PTPRU: variants seen among roughly 807,000 people sequenced by gnomAD.
PTPRU encodes receptor-type tyrosine-protein phosphatase U.
Under a neutral mutation model 166.3 loss-of-function variants are expected in PTPRU, and 69 were observed. The observed-to-expected ratio is 0.41, with a 90% CI of 0.34 to 0.51. The LOEUF (loss-of-function observed/expected upper bound fraction) is 0.51. Among genes scored for constraint, PTPRU ranks in the 20% least tolerant of loss-of-function variants. The pLI is 0.09. For synonymous variants in PTPRU, 793 were observed against 814.0 expected (o/e 0.97, Z 0.44); for missense variants, 1,657 against 2,013.7 (o/e 0.82, Z 3.39).
At position 29,257,963 on chromosome 1, in the gene PTPRU, A is replaced by G. The variant is rs991161846; in HGVS notation, c.206-542A>G. ...TGTGACCTGTAGATTGTAAGGAGCC[A>G]TAATTTTTTTTTTCTTTTTGAGACC... On this transcript the variant is annotated intron_variant, in intron 2 of 29. Transcript: ENST00000373779. The surrounding 1 kb of genome is among the most constrained non-coding windows in gnomAD (Gnocchi z 4.6). 1.4e-5 allele frequency among the ~76,000 whole-genome samples: 1 copy of G among 71,600 alleles called. No individual in the cohort carries two copies. The highest frequency in any genetic ancestry group is 3.1e-5 in the Non-Finnish European group (1 of 31,920). The allele number at this position is 71,600 out of a possible 152,430, so 47.0% of individuals were successfully genotyped here. A position where few individuals can be genotyped will look rare whatever the true frequency, so the allele number is the denominator to read the frequency against.
Position 29,291,343 on chromosome 1 carries a change from A to G in PTPRU, c.2319-526A>G, listed in dbSNP as rs906689530. Reference sequence around the variant, plus strand: ...GGAAGCCCCCGAGCTCTGGCTGAGCACAAGCTAGACTCTCTGCGGGGAAGG... The same window carrying G: ...GGAAGCCCCCGAGCTCTGGCTGAGCGCAAGCTAGACTCTCTGCGGGGAAGG... On this transcript the variant is annotated intron_variant, in intron 14 of 29. Coordinates refer to ENST00000373779, the MANE Select transcript of PTPRU (RefSeq NM_133178.4). This position sits in a 1 kb window ranked among gnomAD's most constrained non-coding sequence, Gnocchi z 4.1. 1.1e-4 allele frequency among the ~76,000 whole-genome samples: 16 copies of G among 151,984 alleles called. No homozygotes were observed. The highest frequency in any genetic ancestry group is 4.8e-5 in the African/African-American group (2 of 41,280).
Position 29,253,996 on chromosome 1 carries a change from A to C in PTPRU, c.74-1279A>C, listed in dbSNP as rs2151943002. ...CACAAGGTTTGGCAAATTGCAGTCA[A>C]GATTTGATCCCAAGTCTGTGATGCC... On this transcript the variant is annotated intron_variant, in intron 1 of 29. Coordinates refer to ENST00000373779, the MANE Select transcript of PTPRU (RefSeq NM_133178.4). 1.3e-5 allele frequency among the ~76,000 whole-genome samples: 2 copies of C among 152,312 alleles called. 1 individual carries two copies. The highest frequency in any genetic ancestry group is 4.1e-4 in the South Asian group (2 of 4,826).
intron 25 of PTPRU, among the ~76,000 whole-genome samples, chr1:29,318,697 C>T (rs1431074026): frequency 6.6e-6 from 1 of 152,224 alleles, no homozygotes; most frequent in African/African-American, 2.4e-5. Context: ...AGCCGTGCAA[C>T]CGCAGGCCAC....
In PTPRU at chr1:29,320,956, C is replaced by A; in HGVS notation, c.3828+131C>A. 1 of 1,031,228 alleles carries A rather than the reference C, an allele frequency of 9.7e-7. No individual in the cohort carries two copies. Among genetic ancestry groups the A allele is most frequent in the Non-Finnish European group, 1.3e-6 (1 of 758,182 alleles). The allele number at this position is 1,031,228 out of a possible 1,614,324, so 63.9% of individuals were successfully genotyped here. On this transcript the variant is annotated intron_variant, in intron 26 of 29. Transcript: ENST00000373779. This position sits in a 1 kb window ranked among gnomAD's most constrained non-coding sequence, Gnocchi z 5.2. ...TATTTATTGTGTGATGAATCATACA[C>A]CTTCCCAGAGCCTCAGTTTCTTCAT...
At chr1:29,309,162 A>G (rs2151965732) in intron 18 of PTPRU, among the ~76,000 whole-genome samples, 1 of 152,306 alleles carries the variant, frequency 6.6e-6, no homozygotes, top group Non-Finnish European at 1.5e-5. Flanking sequence ...TATTATCCTC[A>G]TATTGCAGAG....
At position 29,325,090 on chromosome 1, in the gene PTPRU, C is replaced by T; in HGVS notation, c.4113-101C>T. On this transcript the variant is annotated intron_variant, in intron 28 of 29. Coordinates refer to ENST00000373779, the MANE Select transcript of PTPRU (RefSeq NM_133178.4). ...CCTTCTAGATTCCCTAGCTCCGTCC[C>T]TCTCCTCTAGGCTCTCTGCCCCTCC... The T allele has an allele frequency of 2.0e-6, 3 of 1,484,288 alleles. No homozygotes were observed. In the South Asian group the frequency reaches 3.8e-5, roughly 19 times the overall value. The allele number at this position is 1,484,288 out of a possible 1,614,324, so 91.9% of individuals were successfully genotyped here. A position where few individuals can be genotyped will look rare whatever the true frequency, so the allele number is the denominator to read the frequency against.
Position 29,294,118 on chromosome 1 carries a change from G to A in PTPRU, c.2476+2092G>A, listed in dbSNP as rs533211486. On this transcript the variant is annotated intron_variant, in intron 15 of 29. Coordinates refer to ENST00000373779, the MANE Select transcript of PTPRU (RefSeq NM_133178.4). ...CTAGAAATAGAATTGCTGGATTATG[G>A]AGTACGTGCATCTTCAGCTTAATAA... Among the ~76,000 whole-genome samples the A allele has an allele frequency of 7.4e-4, 113 of 152,316 alleles. 1 individual carries two copies. The highest frequency in any genetic ancestry group is 2.6e-3 in the African/African-American group (109 of 41,562).
intron 12 of PTPRU, 98 bp downstream of exon 12, chr1:29,283,047 G>C: frequency 2.0e-6 from 3 of 1,503,712 alleles, no homozygotes; most frequent in South Asian, 1.3e-5. Context: ...CTCCAGGCCC[G>C]GCACTTCCCA....
In PTPRU at chr1:29,260,627, G is replaced by C; in HGVS notation, c.868G>C (p.Ala290Pro). 1 of 1,487,008 alleles carries C rather than the reference G, an allele frequency of 6.7e-7. No homozygotes were observed. The highest frequency in any genetic ancestry group is 1.4e-5 in the South Asian group (1 of 72,842). 92.1% of individuals were successfully genotyped at this position (1,487,008 alleles called of 1,614,324 possible). A position where few individuals can be genotyped will look rare whatever the true frequency, so the allele number is the denominator to read the frequency against. The change falls in exon 7 of 30, where the codon GCG becomes CCG. Residue 290 changes from alanine (A) to proline (P), a missense_variant. By Grantham distance (27) the Ala-to-Pro change is conservative. This residue lies in a region of PTPRU where 453 missense variants were observed against 496.9 expected (regional missense o/e 0.91). Coordinates refer to ENST00000373779, the MANE Select transcript of PTPRU (RefSeq NM_133178.4). The surrounding 1 kb of genome is among the most constrained non-coding windows in gnomAD (Gnocchi z 8.3). ...LIVKEPPTPI[A>P]PPQLLRAGPT... Reference sequence around the variant, plus strand: ...CCTCGCAGAGCCCCCAACTCCCATCGCGCCCCCACAGCTGCTGCGTGCTGG... The same window carrying C: ...CCTCGCAGAGCCCCCAACTCCCATCCCGCCCCCACAGCTGCTGCGTGCTGG...
At chr1:29,285,767 A>G (rs1475287247) in intron 14 of PTPRU, among the ~76,000 whole-genome samples, 1 of 152,254 alleles carries the variant, frequency 6.6e-6, no homozygotes, top group African/African-American at 2.4e-5. Context: ...AAGGCTGAGC[A>G]GCAGTGCTGG....
chr1:29,274,213 C>CT (rs1685696172), intron 7 of PTPRU, among the ~76,000 whole-genome samples: 2 of 151,468 alleles, frequency 1.3e-5, no homozygotes, highest in Non-Finnish European at 2.9e-5. Flanking sequence ...TTGTATTTTT[C>CT]TTTTTTTAAT....
intron 3 of PTPRU, 60 bp downstream of exon 3, chr1:29,258,836 A>G: frequency 1.3e-6 from 2 of 1,524,278 alleles, no homozygotes; most frequent in Non-Finnish European, 1.8e-6. Context: ...TGGATGTCAA[A>G]TTGAGGTTGG....
chr1:29,310,978 G>T (rs1421603038), intron 19 of PTPRU, among the ~76,000 whole-genome samples, 198 bp downstream of exon 19: 2 of 152,228 alleles, frequency 1.3e-5, no homozygotes, highest in South Asian at 2.1e-4. Context: ...AACTGCCTTT[G>T]TCCCCTCTTT....
Position 29,291,876 on chromosome 1 carries a change from G to A in PTPRU, c.2326G>A (p.Val776Met). Residue 776 changes from valine (V) to methionine (M), a missense_variant, in exon 15 of 30, where the codon GTG becomes ATG. Physicochemically the swap from Val to Met is conservative, Grantham distance 21 (BLOSUM62 1). Coordinates refer to ENST00000373779, the MANE Select transcript of PTPRU (RefSeq NM_133178.4). This position sits in a 1 kb window ranked among gnomAD's most constrained non-coding sequence, Gnocchi z 4.1. ...CTCAACCCCCCTCTCCAGGAAGCCG[G>A]TGAACATGACCAAGGCCACCGTCAA... Reference protein sequence around the residue: ...IIVIIRKGKPVNMTKATVNYR... With the variant: ...IIVIIRKGKPMNMTKATVNYR... The A allele has an allele frequency of 1.9e-6, 3 of 1,613,936 alleles. No homozygotes were observed. Among genetic ancestry groups the A allele is most frequent in the Non-Finnish European group, 2.5e-6 (3 of 1,179,932 alleles).
At position 29,310,734 on chromosome 1, in the gene PTPRU, C is replaced by A. The variant is rs1475080150; in HGVS notation, c.2821-10C>A. 6.2e-7 allele frequency: 1 copy of A among 1,613,366 alleles called. No individual in the cohort carries two copies. The highest frequency in any genetic ancestry group is 1.3e-5 in the African/African-American group (1 of 74,852). Reference sequence around the variant, plus strand: ...CTGGGGTCTAACCGTGCCCTCTCCTCCTGTTCCAGGGTTACCACAGGTCAA... The same window carrying A: ...CTGGGGTCTAACCGTGCCCTCTCCTACTGTTCCAGGGTTACCACAGGTCAA... On this transcript the variant is annotated splice_polypyrimidine_tract_variant and intron_variant, in intron 18 of 29. Transcript: ENST00000373779.
intron 2 of PTPRU, 114 bp from the exon 3 acceptor site, chr1:29,258,391 C>T (rs1684865922): frequency 1.3e-5 from 16 of 1,194,646 alleles, no homozygotes; most frequent in Non-Finnish European, 1.6e-5. Flanking sequence ...ACTCAGAATC[C>T]CTGACTCCTG....
Position 29,249,553 on chromosome 1 carries a change from G to A in PTPRU, c.74-5722G>A, listed in dbSNP as rs190799780. Among the ~76,000 whole-genome samples, 1,159 of 152,354 alleles carry A rather than the reference G, an allele frequency of 7.6e-3. 9 individuals carry two copies. Among genetic ancestry groups the A allele is most frequent in the Non-Finnish European group, 0.014 (927 of 68,036 alleles). ...TCCCAGTCTGAGGCTGCATCCCCAG[G>A]CTTGGCCCAGGCTGCAGAAAGGGAG... is the stretch of plus-strand genomic sequence containing the variant. On this transcript the variant is annotated intron_variant, in intron 1 of 29. Coordinates refer to ENST00000373779, the MANE Select transcript of PTPRU (RefSeq NM_133178.4).
rs746246072 is a variant in PTPRU, at chr1:29,284,784, A to G, written c.2233A>G (p.Met745Val). 1 of 1,613,816 alleles carries G rather than the reference A, an allele frequency of 6.2e-7. No individual in the cohort carries two copies. The highest frequency in any genetic ancestry group is 1.1e-5 in the South Asian group (1 of 91,062). Reference sequence around the variant, plus strand: ...GGAGGTGTCCCAGAGATCGGAGGAGATGGGGCTTATCCTGGGCATCTGTGC... The same window carrying G: ...GGAGGTGTCCCAGAGATCGGAGGAGGTGGGGCTTATCCTGGGCATCTGTGC... ...PLEVSQRSEEMGLILGICAGG... is the reference protein window; with the variant it reads ...PLEVSQRSEEVGLILGICAGG... The change falls in exon 14 of 30, where the codon ATG becomes GTG. Residue 745 changes from methionine (M) to valine (V), a missense_variant. Physicochemically the swap from Met to Val is conservative, Grantham distance 21. Coordinates refer to ENST00000373779, the MANE Select transcript of PTPRU (RefSeq NM_133178.4).
At chr1:29,290,827 A>G (rs1302999281) in intron 14 of PTPRU, among the ~76,000 whole-genome samples, 2 of 152,246 alleles carry the variant, frequency 1.3e-5, no homozygotes, top group African/African-American at 2.4e-5. Context: ...CTGGATGCCA[A>G]CAGCATTAGG....
Sources: allele counts gnomAD v4.1 joint callset (sites outside exome capture counted in the v4.1 genomes callset), GRCh38; gene constraint gnomAD v4.1.1; regional missense constraint gnomAD v4.1.1; non-coding constraint Gnocchi (gnomAD v3.1); transcripts MANE v1.5; gene names NCBI Gene and HGNC (gene_info 2026-07-23, HGNC 2026-07-21).